The following SUCLG2 variants were observed in gnomAD, a reference collection of about 807,000 sequenced individuals.
SUCLG2 encodes succinate--CoA ligase [GDP-forming] subunit beta, mitochondrial.
A neutral mutation model predicts 47.9 loss-of-function variants in SUCLG2; 42 were observed. That is an observed-to-expected ratio of 0.88 (90% CI 0.69 to 1.14). SUCLG2 has a LOEUF of 1.14. Among genes scored for constraint, SUCLG2 ranks in the 50% most tolerant of loss-of-function variants. SUCLG2 has a pLI of 0.00. For missense variants in SUCLG2, 571 were observed against 525.9 expected (o/e 1.09, Z -0.84); for synonymous variants, 195 against 197.3 (o/e 0.99, Z 0.10).
Position 67,375,284 on chromosome 3 carries a change from A to G in SUCLG2, c.*460T>C, listed in dbSNP as rs1702012446. 1.3e-5 allele frequency: 13 copies of G among 984,688 alleles called. No homozygotes were observed. The highest frequency in any genetic ancestry group is 1.6e-5 in the Non-Finnish European group (13 of 829,076). The allele number at this position is 984,688 out of a possible 1,614,324, so 61.0% of individuals were successfully genotyped here. A position where few individuals can be genotyped will look rare whatever the true frequency, so the allele number is the denominator to read the frequency against. ...CTTAGCAGTGCCTTTTTAGTAGCTAATATGTTCAGTGTAATCTTATGCCTT... is the reference window on the plus strand; with the variant it reads ...CTTAGCAGTGCCTTTTTAGTAGCTAGTATGTTCAGTGTAATCTTATGCCTT... On this transcript the variant is annotated 3_prime_UTR_variant, in exon 11 of 11. Coordinates refer to ENST00000307227, the MANE Select transcript of SUCLG2 (RefSeq NM_003848.4).
intron 9 of SUCLG2, among the ~76,000 whole-genome samples, chr3:67,404,335 G>GGA (rs138202963): frequency 3.6e-4 from 54 of 149,386 alleles, no homozygotes; most frequent in African/African-American, 6.4e-4. Context: ...AGAGAGCATG[G>GGA]GAGAGAGAGA....
intron 1 of SUCLG2, among the ~76,000 whole-genome samples, chr3:67,624,737 T>C (rs540580744): frequency 6.6e-6 from 1 of 152,284 alleles, no homozygotes; most frequent in South Asian, 2.1e-4. Context: ...AGAAGTTAAA[T>C]TCAAGGTGAG....
chr3:67,430,859 T>G (rs957015635), intron 9 of SUCLG2, among the ~76,000 whole-genome samples: 38 of 152,140 alleles, frequency 2.5e-4, no homozygotes, highest in Non-Finnish European at 4.1e-4. Context: ...TAGAAGAAAT[T>G]GATAAATTCC....
intron 1 of SUCLG2, among the ~76,000 whole-genome samples, chr3:67,637,358 C>G (rs1701027598): frequency 6.6e-6 from 1 of 152,092 alleles, no homozygotes; most frequent in Non-Finnish European, 1.5e-5. Flanking sequence ...CAGAAGATTT[C>G]AATAAAAAAT....
intron 2 of SUCLG2, among the ~76,000 whole-genome samples, chr3:67,546,345 T>C (rs550190721): frequency 1.3e-4 from 20 of 152,338 alleles, no homozygotes; most frequent in African/African-American, 4.8e-4. Context: ...GGTATTAGTG[T>C]GGCACAGAAA....
chr3:67,410,867 T>A (rs530905704), intron 9 of SUCLG2, among the ~76,000 whole-genome samples: 2 of 152,352 alleles, frequency 1.3e-5, no homozygotes, highest in East Asian at 3.9e-4. Context: ...AGCAGGATAC[T>A]CATTGCTTAT....
chr3:67,518,218 G>T, intron 6 of SUCLG2, 29 bp downstream of exon 6: 1 of 1,567,882 alleles, frequency 6.4e-7, no homozygotes, highest in Non-Finnish European at 8.7e-7. Context: ...AAACAAGTCA[G>T]ACACACCATC....
intron 6 of SUCLG2, chr3:67,514,258 A>G (rs1705880416): frequency 4.7e-6 from 2 of 423,736 alleles, no homozygotes; most frequent in Admixed American, 2.7e-5. Flanking sequence ...CAAAACTGAC[A>G]GGAATAGGAA....
intron 2 of SUCLG2, among the ~76,000 whole-genome samples, chr3:67,590,156 A>G (rs1279398654): frequency 6.6e-6 from 1 of 152,204 alleles, no homozygotes; most frequent in Admixed American, 6.5e-5. Flanking sequence ...TTTCAGAAAG[A>G]GAAATAATTC....
intron 2 of SUCLG2, among the ~76,000 whole-genome samples, chr3:67,542,815 G>T (rs2634723): frequency 0.22 from 34,049 of 152,052 alleles, 5,755 homozygotes; most frequent in East Asian, 0.46. Context: ...GCACCCAGAT[G>T]CATAAAGCAA....
chr3:67,614,724 T>G (rs1038269899), intron 1 of SUCLG2, among the ~76,000 whole-genome samples: 15 of 152,136 alleles, frequency 9.9e-5, no homozygotes, highest in Middle Eastern at 6.8e-3. Flanking sequence ...ATGTTTCAAA[T>G]ACTGGGGTTT....
chr3:67,499,772 C>T (rs1336174603), intron 7 of SUCLG2, among the ~76,000 whole-genome samples: 2 of 151,948 alleles, frequency 1.3e-5, no homozygotes, highest in Non-Finnish European at 2.9e-5. Flanking sequence ...CACTCTGCTG[C>T]CCAGGCTGGA....
At chr3:67,362,690 A>G (rs1187843698) in intron 10 of SUCLG2, among the ~76,000 whole-genome samples, 4 of 152,164 alleles carry the variant, frequency 2.6e-5, no homozygotes, top group Non-Finnish European at 4.4e-5. Flanking sequence ...TATTGAATGA[A>G]GATGTAAGTC....
At chr3:67,547,115 G>T (rs143389854) in intron 2 of SUCLG2, among the ~76,000 whole-genome samples, 1 of 152,144 alleles carries the variant, frequency 6.6e-6, no homozygotes, top group Non-Finnish European at 1.5e-5. Context: ...ACTGGGAGGT[G>T]GGGGCAGAGA....
At chr3:67,433,625 G>A (rs898920516) in intron 9 of SUCLG2, among the ~76,000 whole-genome samples, 1 of 152,080 alleles carries the variant, frequency 6.6e-6, no homozygotes, top group Non-Finnish European at 1.5e-5. Flanking sequence ...ACTGAGTAGC[G>A]AGGTAGATGA....
intron 2 of SUCLG2, among the ~76,000 whole-genome samples, chr3:67,556,563 TGA>T (rs976879405): frequency 4.6e-5 from 7 of 152,140 alleles, no homozygotes; most frequent in African/African-American, 1.7e-4. Context: ...GCGGGAGCCC[TGA>T]GAGACAGCTA....
At chr3:67,605,519 C>T (rs888130090) in intron 2 of SUCLG2, among the ~76,000 whole-genome samples, 2 of 152,130 alleles carry the variant, frequency 1.3e-5, no homozygotes, top group African/African-American at 2.4e-5. Context: ...TCACTGAGTT[C>T]GGGAAGGATT....
At chr3:67,464,966 G>A (rs1704434186) in intron 9 of SUCLG2, among the ~76,000 whole-genome samples, 1 of 152,108 alleles carries the variant, frequency 6.6e-6, no homozygotes. Flanking sequence ...ATCGGAAGAG[G>A]GGCTTGACAA....
intron 1 of SUCLG2, among the ~76,000 whole-genome samples, chr3:67,631,175 T>G (rs1700919281): frequency 6.6e-6 from 1 of 152,136 alleles, no homozygotes. Flanking sequence ...GTGAAGACAT[T>G]TGCTTTACTA....
Sources: gnomAD v4.1 joint callset for allele counts (sites outside exome capture counted in the v4.1 genomes callset) on GRCh38, gnomAD v4.1.1 for gene constraint, MANE v1.5 for transcripts, NCBI Gene and HGNC (gene_info 2026-07-23, HGNC 2026-07-21) for gene names.